Variants in EYA1 observed in about 807,000 individuals in gnomAD.
EYA1 encodes EYA transcriptional coactivator and phosphatase 1, also known as protein phosphatase EYA1.
A neutral mutation model predicts 82.0 loss-of-function variants in EYA1; 16 were observed. The observed-to-expected ratio is 0.20, with a 90% CI of 0.13 to 0.30. The LOEUF (loss-of-function observed/expected upper bound fraction) is 0.30. Among genes scored for constraint, EYA1 ranks in the 10% least tolerant of loss-of-function variants. EYA1 has a pLI of 1.00. For synonymous variants in EYA1, 261 were observed against 264.4 expected (o/e 0.99, Z 0.12); for missense variants, 633 against 730.7 (o/e 0.87, Z 1.54).
chr8:71,427,664 G>T (rs1035230144), intron 2 of EYA1, among the ~76,000 whole-genome samples: 2 of 152,120 alleles, frequency 1.3e-5, no homozygotes, highest in African/African-American at 4.8e-5. Flanking sequence ...ATGCCAGTTA[G>T]TTCAACATAT....
intron 2 of EYA1, among the ~76,000 whole-genome samples, chr8:71,372,580 A>G (rs1164014886): frequency 2.0e-5 from 3 of 152,258 alleles, no homozygotes; most frequent in East Asian, 3.9e-4. Flanking sequence ...CTAGAATGAT[A>G]GCTATACCCT....
chr8:71,461,827 T>C (rs147708129), intron 2 of EYA1, among the ~76,000 whole-genome samples: 1 of 152,066 alleles, frequency 6.6e-6, no homozygotes, highest in East Asian at 1.9e-4. Context: ...CTAGCCAGGG[T>C]GTCCTATCAA....
intron 3 of EYA1, among the ~76,000 whole-genome samples, chr8:71,338,603 C>A (rs562456248): frequency 2.6e-5 from 4 of 152,272 alleles, no homozygotes; most frequent in African/African-American, 9.6e-5. Flanking sequence ...AGGTTCCAGT[C>A]GTACAGAAGA....
At chr8:71,400,928 C>T (rs892838917) in intron 2 of EYA1, among the ~76,000 whole-genome samples, 3 of 152,094 alleles carry the variant, frequency 2.0e-5, no homozygotes, top group Admixed American at 1.3e-4. Context: ...AAATGTGGTA[C>T]GTATACACCA....
chr8:71,210,409 G>GGAGGGAGACC (rs1808357185), intron 17 of EYA1, among the ~76,000 whole-genome samples: 2 of 152,202 alleles, frequency 1.3e-5, no homozygotes, highest in Admixed American at 6.5e-5. Context: ...CACAACTACA[G>GGAGGGAGACC]TGTAAGGTAC....
At chr8:71,384,915 G>T (rs1828894652) in intron 2 of EYA1, among the ~76,000 whole-genome samples, 1 of 152,110 alleles carries the variant, frequency 6.6e-6, no homozygotes, top group African/African-American at 2.4e-5. Context: ...TTCAAAAAGG[G>T]ATGTTCACTG....
intron 2 of EYA1, among the ~76,000 whole-genome samples, chr8:71,375,324 G>A (rs1828311825): frequency 6.6e-6 from 1 of 151,812 alleles, no homozygotes; most frequent in Non-Finnish European, 1.5e-5. Flanking sequence ...TTACATATAG[G>A]TGGAGTAATA....
Position 71,215,803 on chromosome 8 carries a change from T to G in EYA1, c.1361-75A>C. ...TTCGGCTTTGCAAGTAATTAACATT[T>G]AAAAAGTACTATGAATACCAGCCTC... On this transcript the variant is annotated intron_variant, in intron 14 of 17. Transcript: ENST00000340726. The G allele has an allele frequency of 6.5e-6, 6 of 928,342 alleles. 1 individual carries two copies. In the South Asian group the frequency reaches 8.2e-5, roughly 13 times the overall value. 57.5% of individuals were successfully genotyped at this position (928,342 alleles called of 1,614,324 possible).
At chr8:71,341,075 C>T (rs899478513) in intron 3 of EYA1, among the ~76,000 whole-genome samples, 15 of 152,102 alleles carry the variant, frequency 9.9e-5, no homozygotes, top group Admixed American at 9.2e-4. Context: ...GAAAAGTGTA[C>T]TATTTGGAGA....
At chr8:71,430,370 A>G (rs1805530738) in intron 2 of EYA1, among the ~76,000 whole-genome samples, 1 of 152,226 alleles carries the variant, frequency 6.6e-6, no homozygotes. Flanking sequence ...ACAGACAGTC[A>G]GTGGCAGAGC....
intron 2 of EYA1, among the ~76,000 whole-genome samples, chr8:71,388,663 A>G (rs1486545241): frequency 2.0e-5 from 3 of 152,182 alleles, no homozygotes; most frequent in African/African-American, 7.2e-5. Flanking sequence ...TTACACAAAT[A>G]AAAACACAGA....
intron 14 of EYA1, among the ~76,000 whole-genome samples, 165 bp downstream of exon 14, chr8:71,216,524 AGTG>A (rs1809220363): frequency 6.6e-6 from 1 of 152,208 alleles, no homozygotes; most frequent in Non-Finnish European, 1.5e-5. Flanking sequence ...AGCTGGCTCC[AGTG>A]CAATATTTCT....
chr8:71,536,722 C>T (rs575331311), intron 1 of EYA1, among the ~76,000 whole-genome samples: 13 of 152,176 alleles, frequency 8.5e-5, no homozygotes, highest in Admixed American at 7.2e-4. Flanking sequence ...AGTATTACCA[C>T]GATAAAATTA....
In EYA1 at chr8:71,547,826, G is replaced by C. The variant is rs1385626211; in HGVS notation, c.-73+38C>G. 4 of 151,026 alleles carry C rather than the reference G, an allele frequency of 2.6e-5. 1 individual carries two copies. In the Middle Eastern group the frequency reaches 0.01, roughly 388 times the overall value. The allele number at this position is 151,026 out of a possible 1,614,324, so 9.4% of individuals were successfully genotyped here. ...AGCCACGGTGGGGAGCGGGCGCGGGGGACCCTGGCGGGCCCCGGGCAGCGC... is the reference window on the plus strand; with the variant it reads ...AGCCACGGTGGGGAGCGGGCGCGGGCGACCCTGGCGGGCCCCGGGCAGCGC... On this transcript the variant is annotated intron_variant, in intron 1 of 18. Coordinates refer to the EYA1 transcript ENST00000643681.
chr8:71,265,719 T>C (rs945954912), intron 11 of EYA1, among the ~76,000 whole-genome samples: 1 of 152,236 alleles, frequency 6.6e-6, no homozygotes, highest in Non-Finnish European at 1.5e-5. Flanking sequence ...AACCCAAGAA[T>C]AGTTTTCTTC....
intron 2 of EYA1, among the ~76,000 whole-genome samples, chr8:71,375,102 C>A (rs1036086291): frequency 6.6e-6 from 1 of 151,932 alleles, no homozygotes; most frequent in Non-Finnish European, 1.5e-5. Flanking sequence ...GTTAATTATA[C>A]CGCATTGTAT....
Position 71,254,243 on chromosome 8 carries a change from CAAAAAAAAAAAA to C in EYA1, c.1051-9563_1051-9552del, listed in dbSNP as rs56047377. ...TATACCCCATCTATAAAGTCTTGGC[CAAAAAAAAAAAA>C]AAAAAAAAAAAAAGAAAAGGAAACT... On this transcript the variant is annotated intron_variant, in intron 11 of 17. Transcript: ENST00000340726. Among the ~76,000 whole-genome samples, 19 of 51,460 alleles carry C rather than the reference CAAAAAAAAAAAA, an allele frequency of 3.7e-4. No individual in the cohort carries two copies. The Admixed American group carries it at 4.2e-3, about 11-fold the overall frequency. The allele number at this position is 51,460 out of a possible 152,430, so 33.8% of individuals were successfully genotyped here. A position where few individuals can be genotyped will look rare whatever the true frequency, so the allele number is the denominator to read the frequency against.
chr8:71,227,848 T>C (rs1417015873), intron 12 of EYA1, among the ~76,000 whole-genome samples: 1 of 152,174 alleles, frequency 6.6e-6, no homozygotes, highest in Admixed American at 6.5e-5. Flanking sequence ...CTTTTTCTTT[T>C]GCAGGGGTGA....
At chr8:71,234,690 T>C (rs1811618963) in intron 12 of EYA1, among the ~76,000 whole-genome samples, 1 of 152,038 alleles carries the variant, frequency 6.6e-6, no homozygotes, top group Non-Finnish European at 1.5e-5. Flanking sequence ...GGTACCAAAA[T>C]GCTCAATCTT....
Sources: allele counts gnomAD v4.1 joint callset (sites outside exome capture counted in the v4.1 genomes callset), GRCh38; gene constraint gnomAD v4.1.1; transcripts MANE v1.5; gene names NCBI Gene and HGNC (gene_info 2026-07-23, HGNC 2026-07-21).